Variants in MED16 observed in about 807,000 individuals in gnomAD.
The protein encoded by MED16 is mediator of RNA polymerase II transcription subunit 16.
Under a neutral mutation model 84.4 loss-of-function variants are expected in MED16, and 81 were observed. The observed-to-expected ratio is 0.96, with a 90% CI of 0.80 to 1.15. The LOEUF (loss-of-function observed/expected upper bound fraction) is 1.15. Among genes scored for constraint, MED16 ranks in the 50% most tolerant of loss-of-function variants. The pLI, the probability that MED16 is intolerant of heterozygous loss-of-function variation, is 0.00. For missense variants in MED16, 1,585 were observed against 1,245.9 expected (o/e 1.27, Z -4.10); for synonymous variants, 897 against 552.2 (o/e 1.62, Z -8.76).
Position 889,768 on chromosome 19 carries a change from T to C in MED16, c.317A>G (p.Lys106Arg). The C allele has an allele frequency of 2.5e-6, 4 of 1,613,256 alleles. No individual in the cohort carries two copies. The highest frequency in any genetic ancestry group is 3.4e-6 in the Non-Finnish European group (4 of 1,179,792). The change falls in exon 4 of 16, where the codon AAG becomes AGG. Residue 106 changes from lysine (K) to arginine (R), a missense_variant. Lys to Arg is a conservative substitution (Grantham distance 26). Coordinates refer to ENST00000325464, the MANE Select transcript of MED16 (RefSeq NM_005481.3). ...LLSADADGQI[K>R]CWSMADHLAN... ...CAGGTGGTCCGCCATGCTCCAGCAC[T>C]TGATCTGCCCGTCGGCATCTGCTGA...
chr19:877,145 G>A lies in MED16; in HGVS notation c.1389C>T (p.His463=), dbSNP rs1304907571. The A allele has an allele frequency of 1.2e-6, 2 of 1,611,962 alleles. No homozygotes were observed. Among genetic ancestry groups the A allele is most frequent in the African/African-American group, 1.3e-5 (1 of 75,040 alleles). Reference sequence around the variant, plus strand: ...GCAGCGCCAGCCCCACCTCCAGCGGGTGGCCCATGGAAGGTGAGAGGCGGA... The same window carrying A: ...GCAGCGCCAGCCCCACCTCCAGCGGATGGCCCATGGAAGGTGAGAGGCGGA... ...SVLRLSPSMG[H]PLEVGLALRH... The change falls in exon 9 of 16, where the codon CAC becomes CAT. Residue 463 remains histidine (H), a synonymous_variant. Coordinates refer to ENST00000325464, the MANE Select transcript of MED16 (RefSeq NM_005481.3).
intron 11 of MED16, 29 bp downstream of exon 11, chr19:873,420 G>A (rs199867125): frequency 1.6e-4 from 259 of 1,595,376 alleles, no homozygotes; most frequent in East Asian, 2.2e-4. Context: ...CAGGTGGGGG[G>A]CGGGGCCTTA....
chr19:892,927 C>T (rs1012787483), intron 1 of MED16, 159 bp downstream of exon 1: 2 of 117,500 alleles, frequency 1.7e-5, no homozygotes, highest in Non-Finnish European at 4.0e-5. Flanking sequence ...GCCCCGCGCC[C>T]CGCGCCCCGC....
At chr19:870,621 G>A (rs746325955) in intron 13 of MED16, among the ~76,000 whole-genome samples, 4 of 151,894 alleles carry the variant, frequency 2.6e-5, no homozygotes, top group Admixed American at 2.0e-4. Flanking sequence ...GCCCGTGTTG[G>A]GGGTGGTTCG....
chr19:890,255 G>A lies in MED16; in HGVS notation c.170-11C>T, dbSNP rs753901870. 8.5e-6 allele frequency: 13 copies of A among 1,523,520 alleles called. No homozygotes were observed. In the East Asian group the frequency reaches 1.2e-4, roughly 14 times the overall value. The allele number at this position is 1,523,520 out of a possible 1,614,324, so 94.4% of individuals were successfully genotyped here. A position where few individuals can be genotyped will look rare whatever the true frequency, so the allele number is the denominator to read the frequency against. On this transcript the variant is annotated splice_polypyrimidine_tract_variant and intron_variant, in intron 2 of 15. Transcript: ENST00000325464. ...TCATGCGGGTCAGGTCTGTGGGGAC[G>A]GGGCATGGTCAGCACGGCCTGGCAC...
Position 873,523 on chromosome 19 carries a change from G to GT in MED16, c.1830dup (p.Leu611ThrfsTer93). 1 of 1,612,340 alleles carries GT rather than the reference G, an allele frequency of 6.2e-7. No homozygotes were observed. The highest frequency in any genetic ancestry group is 8.5e-7 in the Non-Finnish European group (1 of 1,179,734). On this transcript the variant is annotated frameshift_variant, in exon 11 of 16. Transcript: ENST00000325464. LOFTEE classifies it high-confidence loss of function. ...TGCAAGAGCTGCTGCAGCGCCTGCAGTGTGTTCATGTCCAGCACAAATTCC... is the reference window on the plus strand; with the variant it reads ...TGCAAGAGCTGCTGCAGCGCCTGCAGTTGTGTTCATGTCCAGCACAAATTCC...
At chr19:887,107 A>G (rs1476352893) in intron 4 of MED16, among the ~76,000 whole-genome samples, 1 of 152,052 alleles carries the variant, frequency 6.6e-6, no homozygotes, top group East Asian at 1.9e-4. Flanking sequence ...GAACAAGAAA[A>G]ATGTCTCTAC....
In MED16 at chr19:869,959, A is replaced by G. The variant is rs375436968; in HGVS notation, c.2316-1013T>C. ...TTCCAGGCTGGGTTTCCTCACCGTG[A>G]AATGGGGTGACAAGGTCCCACCTCA... On this transcript the variant is annotated intron_variant, in intron 13 of 15. Transcript: ENST00000325464. Among the ~76,000 whole-genome samples, 27 of 152,224 alleles carry G rather than the reference A, an allele frequency of 1.8e-4. No individual in the cohort carries two copies. In the East Asian group the frequency reaches 4.3e-3, roughly 24 times the overall value.
At chr19:868,839 T>C in intron 14 of MED16, 24 bp downstream of exon 14, 2 of 1,542,794 alleles carry the variant, frequency 1.3e-6, no homozygotes, top group South Asian at 2.4e-5. Flanking sequence ...TCTCTGGGAG[T>C]CAGCGGTTCC....
Position 890,230 on chromosome 19 carries a change from T to C in MED16, c.184A>G (p.Ile62Val). The C allele has an allele frequency of 1.3e-6, 2 of 1,551,044 alleles. No homozygotes were observed. The highest frequency in any genetic ancestry group is 1.7e-6 in the Non-Finnish European group (2 of 1,147,162). ...RSDDQDLTRMIHILDTEHPWD... is the reference protein window; with the variant it reads ...RSDDQDLTRMVHILDTEHPWD... ...GGGTGCTCCGTGTCCAGGATGTGGA[T>C]CATGCGGGTCAGGTCTGTGGGGACG... Residue 62 changes from isoleucine (I) to valine (V), a missense_variant, in exon 3 of 16, where the codon ATC becomes GTC. Ile to Val is a conservative substitution (Grantham distance 29, BLOSUM62 3). Transcript: ENST00000325464.
chr19:873,725 G>T, intron 10 of MED16, 143 bp from the exon 11 acceptor site: 1 of 1,008,670 alleles, frequency 9.9e-7, no homozygotes, highest in Non-Finnish European at 1.5e-6. Context: ...CGAGAAGGGG[G>T]CGATGGCGTT....
chr19:885,330 G>A (rs569389269), intron 5 of MED16, among the ~76,000 whole-genome samples: 10 of 152,248 alleles, frequency 6.6e-5, no homozygotes, highest in Admixed American at 3.3e-4. Context: ...TGGTGTGGTC[G>A]GCTCAACAGT....
Position 868,870 on chromosome 19 carries a change from A to G in MED16, c.2392T>C (p.Cys798Arg). The G allele has an allele frequency of 6.5e-7, 1 of 1,549,444 alleles. No individual in the cohort carries two copies. The highest frequency in any genetic ancestry group is 8.7e-7 in the Non-Finnish European group (1 of 1,149,318). The part of the protein sequence containing the change: ...GACPTEECKA[C>R]TRCGCVTMLK... ...GTTCCGGGGGCCCCTCACCTGGTGCAGGCCTTGCATTCCTCCGTGGGGCAA... is the reference window on the plus strand; with the variant it reads ...GTTCCGGGGGCCCCTCACCTGGTGCGGGCCTTGCATTCCTCCGTGGGGCAA... The change falls in exon 14 of 16, where the codon TGC becomes CGC. Residue 798 changes from cysteine (C) to arginine (R), a missense_variant. Cys to Arg is a radical substitution (Grantham distance 180, BLOSUM62 -3). Transcript: ENST00000325464.
chr19:886,839 G>A (rs1474169467), intron 4 of MED16, among the ~76,000 whole-genome samples: 1 of 152,218 alleles, frequency 6.6e-6, no homozygotes, highest in African/African-American at 2.4e-5. Context: ...ACTTTGGGGG[G>A]CTGAGGCAGG....
chr19:872,416 C>T (rs930791816), intron 11 of MED16, among the ~76,000 whole-genome samples: 1 of 152,034 alleles, frequency 6.6e-6, no homozygotes, highest in Non-Finnish European at 1.5e-5. Flanking sequence ...GGAGGAGCAG[C>T]CGCCCCCTCC....
In MED16 at chr19:885,942, G is replaced by A. The variant is rs768018822; in HGVS notation, c.707C>T (p.Ala236Val). Reference sequence around the variant, plus strand: ...CACCTTGTAGAACTGCACGGGCGACGCGCTGCTGCCGTCCGCCGTGGCCAC... The same window carrying A: ...CACCTTGTAGAACTGCACGGGCGACACGCTGCTGCCGTCCGCCGTGGCCAC... ...IVVATADGSS[A>V]SPVQFYKVCV... The change falls in exon 5 of 16, where the codon GCG becomes GTG. Residue 236 changes from alanine to valine, a missense_variant. Transcript: ENST00000325464. 20 of 1,612,708 alleles carry A rather than the reference G, an allele frequency of 1.2e-5. No homozygotes were observed. The highest frequency in any genetic ancestry group is 4.5e-5 in the East Asian group (2 of 44,868).
chr19:869,416 T>C (rs114303076), intron 13 of MED16, among the ~76,000 whole-genome samples: 2,770 of 81,406 alleles, frequency 0.034, 89 homozygotes, highest in African/African-American at 0.11. Flanking sequence ...CCCTCGGTGG[T>C]GGGTGGGGGA....
chr19:882,778 G>A (rs117764461), intron 6 of MED16, among the ~76,000 whole-genome samples: 3,955 of 152,370 alleles, frequency 0.026, 56 homozygotes, highest in Middle Eastern at 0.082. Flanking sequence ...TTACTCGGCT[G>A]AAGCTGACTA....
At position 873,554 on chromosome 19, in the gene MED16, C is replaced by A. The variant is rs1252066016; in HGVS notation, c.1800G>T (p.Lys600Asn). ...TCATGTCCAGCACAAATTCCTCCGT[C>A]TTGAGGTTGATCATGACCTTGTCAA... The part of the protein sequence containing the change: ...VDIDKVMINL[K>N]TEEFVLDMNT... Residue 600 changes from lysine to asparagine, a missense_variant, in exon 11 of 16, where the codon AAG becomes AAT. Lys to Asn is a moderately conservative substitution (Grantham distance 94). Transcript: ENST00000325464. 3 of 1,612,322 alleles carry A rather than the reference C, an allele frequency of 1.9e-6. No individual in the cohort carries two copies. In the African/African-American group the frequency reaches 4.0e-5, roughly 22 times the overall value.
Sources: gnomAD v4.1 joint callset for allele counts (sites outside exome capture counted in the v4.1 genomes callset) on GRCh38, gnomAD v4.1.1 for gene constraint, MANE v1.5 for transcripts, NCBI Gene and HGNC (gene_info 2026-07-23, HGNC 2026-07-21) for gene names.